The following NR1D2 variants were observed in gnomAD, a reference collection of about 807,000 sequenced individuals.
NR1D2 encodes nuclear receptor subfamily 1 group D member 2, also known as V-erbA-related protein 1-related.
A neutral mutation model predicts 52.2 loss-of-function variants in NR1D2; 25 were observed. The observed-to-expected ratio is 0.48, with a 90% CI of 0.35 to 0.67. The LOEUF is 0.67. Among genes scored for constraint, NR1D2 ranks in the 30% least tolerant of loss-of-function variants. The pLI is 0.01. For synonymous variants in NR1D2, 259 were observed against 230.1 expected (o/e 1.13, Z -1.14); for missense variants, 681 against 707.2 (o/e 0.96, Z 0.42).
intron 5 of NR1D2, among the ~76,000 whole-genome samples, chr3:23,963,701 G>C (rs1479990512): frequency 6.6e-6 from 1 of 151,824 alleles, no homozygotes; most frequent in Non-Finnish European, 1.5e-5. Flanking sequence ...CACCCACCTC[G>C]GCCTCCCAAA....
At chr3:23,961,942 A>G in intron 4 of NR1D2, 35 bp from the exon 5 acceptor site, 1 of 1,537,076 alleles carries the variant, frequency 6.5e-7, no homozygotes, top group South Asian at 1.3e-5. Flanking sequence ...GGTCTTATTT[A>G]GAATATAGAC....
rs539153616 is a variant in NR1D2 at position 23,947,944 on chromosome 3, C to A, written c.16+2350C>A. On this transcript the variant is annotated intron_variant, in intron 1 of 7. Transcript: ENST00000312521. ...ACCAGCCTGGCCAACATGGTGAAACCCCGTCTCTACTAAAAGGACAAAAAT... is the reference window on the plus strand; with the variant it reads ...ACCAGCCTGGCCAACATGGTGAAACACCGTCTCTACTAAAAGGACAAAAAT... Among the ~76,000 whole-genome samples the A allele has an allele frequency of 1.3e-5, 2 of 152,024 alleles. 1 individual carries two copies. The highest frequency in any genetic ancestry group is 3.9e-4 in the East Asian group (2 of 5,184).
intron 7 of NR1D2, among the ~76,000 whole-genome samples, chr3:23,976,705 C>T (rs1706732468): frequency 6.6e-6 from 1 of 152,174 alleles, no homozygotes; most frequent in Admixed American, 6.5e-5. Context: ...CCTATCAATT[C>T]TGCCATATTT....
chr3:23,947,908 AGG>A (rs910602612), intron 1 of NR1D2, among the ~76,000 whole-genome samples: 4 of 152,122 alleles, frequency 2.6e-5, no homozygotes, highest in African/African-American at 9.7e-5. Flanking sequence ...CCCTGAGGTA[AGG>A]AGTTCGAGAC....
intron 5 of NR1D2, among the ~76,000 whole-genome samples, chr3:23,963,853 T>A (rs1706363642): frequency 6.6e-6 from 1 of 152,132 alleles, no homozygotes; most frequent in South Asian, 2.1e-4. Flanking sequence ...TTGTATGGAT[T>A]TAGTGAAAAT....
At chr3:23,970,058 A>G (rs180927378) in intron 7 of NR1D2, among the ~76,000 whole-genome samples, 1 of 152,338 alleles carries the variant, frequency 6.6e-6, no homozygotes, top group Non-Finnish European at 1.5e-5. Context: ...TAACCAAAAT[A>G]TGGGGCAGAA....
chr3:23,973,598 A>T (rs1706646485), intron 7 of NR1D2, among the ~76,000 whole-genome samples: 2 of 152,206 alleles, frequency 1.3e-5, no homozygotes, highest in Admixed American at 1.3e-4. Context: ...AAGGCCTAGG[A>T]TATTACTGTA....
At chr3:23,947,326 A>G (rs1705762538) in intron 1 of NR1D2, among the ~76,000 whole-genome samples, 2 of 150,180 alleles carry the variant, frequency 1.3e-5, no homozygotes, top group East Asian at 1.9e-4. Flanking sequence ...AGCAAGGCAC[A>G]TTATAAAAAT....
chr3:23,960,525 T>C (rs1706206542), intron 4 of NR1D2, among the ~76,000 whole-genome samples: 1 of 152,016 alleles, frequency 6.6e-6, no homozygotes, highest in Non-Finnish European at 1.5e-5. Context: ...GAGATGGGGG[T>C]TTCACCATGT....
rs563802473 is a variant in NR1D2, at chr3:23,977,101, T to C, written c.1544-122T>C. 6.7e-4 allele frequency: 340 copies of C among 504,172 alleles called. 1 individual carries two copies. The South Asian group carries it at 0.026, about 38-fold the overall frequency. 31.2% of individuals were successfully genotyped at this position (504,172 alleles called of 1,614,324 possible). A position where few individuals can be genotyped will look rare whatever the true frequency, so the allele number is the denominator to read the frequency against. Reference sequence around the variant, plus strand: ...AGAAATTTGTCAACTTTTGCCTTTATTCAGATGTATAAAACCTTGCTTTCT... The same window carrying C: ...AGAAATTTGTCAACTTTTGCCTTTACTCAGATGTATAAAACCTTGCTTTCT... On this transcript the variant is annotated intron_variant, in intron 7 of 7. Coordinates refer to ENST00000312521, the MANE Select transcript of NR1D2 (RefSeq NM_005126.5).
chr3:23,971,198 C>T (rs1706579084), intron 7 of NR1D2, among the ~76,000 whole-genome samples: 1 of 152,144 alleles, frequency 6.6e-6, no homozygotes, highest in Non-Finnish European at 1.5e-5. Flanking sequence ...CTTTCCTCCA[C>T]CCCAGCCTTA....
chr3:23,973,316 T>C, intron 7 of NR1D2, among the ~76,000 whole-genome samples: 1 of 152,244 alleles, frequency 6.6e-6, no homozygotes, highest in Non-Finnish European at 1.5e-5. Flanking sequence ...ACCTAGATGG[T>C]ATATCCTACT....
intron 4 of NR1D2, 184 bp downstream of exon 4, chr3:23,959,999 C>T: frequency 9.1e-6 from 4 of 439,018 alleles, no homozygotes; most frequent in Non-Finnish European, 1.5e-5. Flanking sequence ...ATTATCATCC[C>T]AGAAACAGTT....
rs140297934 is a variant in NR1D2 at position 23,946,857 on chromosome 3, G to A, written c.16+1263G>A. On this transcript the variant is annotated intron_variant, in intron 1 of 7. Coordinates refer to ENST00000312521, the MANE Select transcript of NR1D2 (RefSeq NM_005126.5). ...CCTTTTGTCTGCCCCAAATGATGAG[G>A]TAGATCTGAAGTGAGTGAGGTTATG... Among the ~76,000 whole-genome samples the A allele has an allele frequency of 6.2e-4, 95 of 152,264 alleles. 1 individual carries two copies. The highest frequency in any genetic ancestry group is 2.2e-3 in the African/African-American group (93 of 41,552).
In NR1D2 at chr3:23,978,743, TC is replaced by T. The variant is rs1706805681; in HGVS notation, c.*1326del. On this transcript the variant is annotated 3_prime_UTR_variant, in exon 8 of 8. Coordinates refer to ENST00000312521, the MANE Select transcript of NR1D2 (RefSeq NM_005126.5). Reference sequence around the variant, plus strand: ...GTATGTTCTGAGTCCACTTCTTTTTTCCTAAATAACACTACAGGGATTTTGT... The same window carrying T: ...GTATGTTCTGAGTCCACTTCTTTTTTCTAAATAACACTACAGGGATTTTGT... 2 of 152,120 alleles carry T rather than the reference TC, an allele frequency of 1.3e-5. No homozygotes were observed. Among genetic ancestry groups the T allele is most frequent in the Non-Finnish European group, 2.9e-5 (2 of 67,966 alleles). The allele number at this position is 152,120 out of a possible 1,614,324, so 9.4% of individuals were successfully genotyped here. A position where few individuals can be genotyped will look rare whatever the true frequency, so the allele number is the denominator to read the frequency against.
intron 1 of NR1D2, among the ~76,000 whole-genome samples, chr3:23,951,564 A>C (rs532740623): frequency 9.8e-4 from 150 of 152,362 alleles, no homozygotes; most frequent in Non-Finnish European, 1.9e-3. Context: ...CAATGGTTTT[A>C]TCCAGTAACA....
At chr3:23,947,309 C>G (rs1705761828) in intron 1 of NR1D2, among the ~76,000 whole-genome samples, 1 of 152,178 alleles carries the variant, frequency 6.6e-6, no homozygotes, top group Admixed American at 6.6e-5. Flanking sequence ...TAAATCTTGC[C>G]TCGTGGAGCA....
intron 7 of NR1D2, among the ~76,000 whole-genome samples, chr3:23,969,924 C>T (rs1013033964): frequency 2.6e-5 from 4 of 151,846 alleles, no homozygotes; most frequent in Non-Finnish European, 4.4e-5. Context: ...GAGATAGGGC[C>T]GGGGAAGGGT....
At position 23,966,532 on chromosome 3, in the gene NR1D2, C is replaced by G. The variant is rs190070995; in HGVS notation, c.1333-1281C>G. ...TAAGGCATAGAGGCCATGTGTTATA[C>G]TTGGCAGCCTAAAGAGATTCTTTAA... On this transcript the variant is annotated intron_variant, in intron 6 of 7. Transcript: ENST00000312521. Among the ~76,000 whole-genome samples, 10 of 152,358 alleles carry G rather than the reference C, an allele frequency of 6.6e-5. No homozygotes were observed. In the East Asian group the frequency reaches 1.5e-3, roughly 24 times the overall value.
Sources: gnomAD v4.1 joint callset for allele counts (sites outside exome capture counted in the v4.1 genomes callset) on GRCh38, gnomAD v4.1.1 for gene constraint, MANE v1.5 for transcripts, NCBI Gene and HGNC (gene_info 2026-07-23, HGNC 2026-07-21) for gene names.